Variants in SHC1 observed in about 807,000 individuals in gnomAD.
The protein encoded by SHC1 is SHC adaptor protein 1.
Under a neutral mutation model 55.9 loss-of-function variants are expected in SHC1, and 30 were observed. The observed-to-expected ratio is 0.54, with a 90% CI of 0.40 to 0.73. The LOEUF is 0.73. Ranked by LOEUF, SHC1 falls within the 30% of genes least tolerant of loss-of-function variation. The pLI, the probability that SHC1 is intolerant of heterozygous loss-of-function variation, is 0.00. For missense variants in SHC1, 675 were observed against 777.1 expected (o/e 0.87, Z 1.56); for synonymous variants, 309 against 306.1 (o/e 1.01, Z -0.10).
At chr1:154,972,065 T>C (rs538710334), upstream of SHC1, among the ~76,000 whole-genome samples, 100 of 152,144 alleles carry the variant, frequency 6.6e-4, 1 homozygote, top group African/African-American at 2.2e-3. Flanking sequence ...CTGGTCAACA[T>C]GGTGAAACCC....
chr1:154,970,970 G>A (rs1656687931), upstream of SHC1, among the ~76,000 whole-genome samples: 1 of 152,166 alleles, frequency 6.6e-6, no homozygotes, highest in Admixed American at 6.5e-5. The surrounding 1 kb of genome is among the most constrained non-coding windows in gnomAD (Gnocchi z 5.5). Context: ...GTAAAGTGGG[G>A]GTGGGAGGGA....
Position 154,966,159 on chromosome 1 carries a change from T to TA in SHC1, c.1252+2dup, listed in dbSNP as rs1204768715. 2 of 1,614,140 alleles carry TA rather than the reference T, an allele frequency of 1.2e-6. No individual in the cohort carries two copies. Among genetic ancestry groups the TA allele is most frequent in the Admixed American group, 3.3e-5 (2 of 60,022 alleles). On this transcript the variant is annotated splice_region_variant and intron_variant, in intron 9 of 11. Transcript: ENST00000448116. Reference sequence around the variant, plus strand: ...GCTCTGCCTATCTCGGCTCCCTTCATACCTGGACAGGGTGGTGGAGGTGGC... The same window carrying TA: ...GCTCTGCCTATCTCGGCTCCCTTCATAACCTGGACAGGGTGGTGGAGGTGGC...
chr1:154,968,118 A>G, intron 5 of SHC1, 86 bp downstream of exon 5: 1 of 1,582,042 alleles, frequency 6.3e-7, no homozygotes, highest in South Asian at 1.1e-5. Context: ...CCACAATCCT[A>G]GCACCCCCAC....
At position 154,970,417 on chromosome 1, in the gene SHC1, G is replaced by A; in HGVS notation, c.110C>T (p.Pro37Leu). ...GATGGGCCCCAGGGATGAAGCTGAT[G>A]GGGAAGGCAGCTCCTCCGGGGGGGT... The part of the protein sequence containing the change: ...GSTPPEELPS[P>L]SASSLGPILP... Residue 37 changes from proline to leucine, a missense_variant, in exon 1 of 12, where the codon CCA (proline) becomes CTA (leucine). This residue lies in a region of SHC1 where 156 missense variants were observed against 159.1 expected (regional missense o/e 0.98). Transcript: ENST00000448116. This position sits in a 1 kb window ranked among gnomAD's most constrained non-coding sequence, Gnocchi z 5.5. The A allele has an allele frequency of 9.3e-6, 15 of 1,606,146 alleles. No homozygotes were observed. Among genetic ancestry groups the A allele is most frequent in the Non-Finnish European group, 1.3e-5 (15 of 1,176,670 alleles).
chr1:154,968,957 T>G, intron 2 of SHC1, 123 bp from the exon 3 acceptor site: 1 of 831,958 alleles, frequency 1.2e-6, no homozygotes, highest in Non-Finnish European at 2.1e-6. Flanking sequence ...AGGCTCTTTG[T>G]CATGGTGGAT....
upstream of SHC1, chr1:154,970,794 A>G: frequency 2.8e-6 from 1 of 357,954 alleles, no homozygotes; most frequent in Non-Finnish European, 5.1e-6. The surrounding 1 kb of genome is among the most constrained non-coding windows in gnomAD (Gnocchi z 5.5). Context: ...GCTCCTCCCC[A>G]GGGGCGGGGA....
At chr1:154,969,646 G>A (rs888599127) in intron 1 of SHC1, among the ~76,000 whole-genome samples, 198 bp from the exon 2 acceptor site, 52 of 152,336 alleles carry the variant, frequency 3.4e-4, no homozygotes, top group African/African-American at 1.2e-3. Flanking sequence ...CAGGCTAGAA[G>A]GACCTCACAC....
intron 11 of SHC1, 63 bp downstream of exon 11, chr1:154,965,480 T>C (rs766885354): frequency 9.4e-6 from 15 of 1,587,864 alleles, no homozygotes; most frequent in Middle Eastern, 1.7e-4. Flanking sequence ...GGAAGAGGGA[T>C]ACACTGTAGG....
In SHC1 at chr1:154,966,417, C is replaced by T. The variant is rs147431390; in HGVS notation, c.1084G>A (p.Gly362Arg). The T allele has an allele frequency of 8.1e-6, 13 of 1,613,724 alleles. No homozygotes were observed. In the African/African-American group the frequency reaches 1.2e-4, roughly 15 times the overall value. ...TCCCGAAGCCTCATGTCTACCACCC[C>T]CCCCAAGGGGGGTTCCTTCCCCGGG... is the stretch of plus-strand genomic sequence containing the variant. The part of the protein sequence containing the change: ...DFPGKEPPLG[G>R]VVDMRLREGA... The change falls in exon 8 of 12, where the codon GGG becomes AGG. Residue 362 changes from glycine (G) to arginine (R), a missense_variant. By Grantham distance (125) the Gly-to-Arg change is moderately radical. Coordinates refer to ENST00000448116, the MANE Select transcript of SHC1 (RefSeq NM_001130040.2).
rs1656446207 is a variant in SHC1, at chr1:154,969,394, G to A, written c.550C>T (p.Arg184Trp). The change falls in exon 2 of 12, where the codon CGG (arginine) becomes TGG (tryptophan). Residue 184 changes from arginine to tryptophan, a missense_variant. Physicochemically the swap from Arg to Trp is moderately radical, Grantham distance 101 (BLOSUM62 -3). Transcript: ENST00000448116. Reference protein sequence around the residue: ...QSMRALDFNTRTQVTREAISL... With the variant: ...QSMRALDFNTWTQVTREAISL... ...CCCACTAACCTGGTGACCTGAGTCC[G>A]GGTGTTGAAGTCCAGGGCACGCATT... 3.1e-6 allele frequency: 5 copies of A among 1,610,620 alleles called. No individual in the cohort carries two copies. Among genetic ancestry groups the A allele is most frequent in the African/African-American group, 1.3e-5 (1 of 74,826 alleles).
chr1:154,968,766 A>G lies in SHC1; in HGVS notation c.630+5T>C. 1 of 1,613,618 alleles carries G rather than the reference A, an allele frequency of 6.2e-7. No homozygotes were observed. The highest frequency in any genetic ancestry group is 8.5e-7 in the Non-Finnish European group (1 of 1,179,670). On this transcript the variant is annotated splice_donor_5th_base_variant and intron_variant, in intron 3 of 11. Transcript: ENST00000448116. ...AGCATCCCTATCCCCAAGGACCCCA[A>G]GTACCTTTCTCCTCCTTGTCGCCCC...
Position 154,968,044 on chromosome 1 carries a change from G to C in SHC1, c.805-13C>G. ...ACTCGGCTGTGTCCTGGGGAGGAAG[G>C]TCAAAAAATTTTACAGTTCTACTTT... On this transcript the variant is annotated splice_polypyrimidine_tract_variant and intron_variant, in intron 5 of 11. Transcript: ENST00000448116. 1 of 1,614,080 alleles carries C rather than the reference G, an allele frequency of 6.2e-7. No homozygotes were observed. The highest frequency in any genetic ancestry group is 1.1e-5 in the South Asian group (1 of 91,070).
chr1:154,967,884 C>T (rs745678515), intron 6 of SHC1, 87 bp from the exon 7 acceptor site: 139 of 1,601,946 alleles, frequency 8.7e-5, no homozygotes, highest in Non-Finnish European at 1.2e-4. Flanking sequence ...GCAGGAACCC[C>T]CACTGAGATC....
intron 7 of SHC1, among the ~76,000 whole-genome samples, 161 bp from the exon 8 acceptor site, chr1:154,966,678 TA>T (rs1656030576): frequency 6.6e-6 from 1 of 152,186 alleles, no homozygotes; most frequent in Non-Finnish European, 1.5e-5. Flanking sequence ...GGCAACCCCG[TA>T]AGGTAGGTAT....
chr1:154,968,331 G>C, intron 4 of SHC1, 74 bp from the exon 5 acceptor site: 3 of 1,557,940 alleles, frequency 1.9e-6, no homozygotes. Context: ...CAGAACCCTG[G>C]TGCCCCAGTC....
Position 154,966,071 on chromosome 1 carries a change from T to G in SHC1, c.1262A>C (p.Glu421Ala). ...PPPPPCPAGR[E>A]LFDDPSYVNV... is the part of the protein sequence containing the mutation. Reference sequence around the variant, plus strand: ...GACATAGGAGGGATCATCAAAAAGCTCTCTGCCTGCTGAGGAAAGGGAGGC... The same window carrying G: ...GACATAGGAGGGATCATCAAAAAGCGCTCTGCCTGCTGAGGAAAGGGAGGC... Residue 421 changes from glutamate to alanine, a missense_variant, in exon 10 of 12, where the codon GAG becomes GCG. Transcript: ENST00000448116. 1 of 1,613,920 alleles carries G rather than the reference T, an allele frequency of 6.2e-7. No individual in the cohort carries two copies.
At position 154,963,862 on chromosome 1, in the gene SHC1, G is replaced by T; in HGVS notation, c.1696C>A (p.Pro566Thr). The change falls in exon 12 of 12, where the codon CCC (proline) becomes ACC (threonine). Residue 566 changes from proline (P) to threonine (T), a missense_variant. By Grantham distance (38) the Pro-to-Thr change is conservative. This residue lies in a region of SHC1 where 360 missense variants were observed against 371.1 expected (regional missense o/e 0.97). Transcript: ENST00000448116. ...LISYHMDNHL[P>T]IISAGSELCL... ...AGTTCGCTGCCCGCAGAGATGATGG[G>T]CAAGTGATTGTCCATGTGGTAGCTG... 6.2e-7 allele frequency: 1 copy of T among 1,613,702 alleles called. No individual in the cohort carries two copies. The highest frequency in any genetic ancestry group is 8.5e-7 in the Non-Finnish European group (1 of 1,179,552).
At chr1:154,967,421 G>A (rs752244740) in intron 7 of SHC1, among the ~76,000 whole-genome samples, 1 of 152,174 alleles carries the variant, frequency 6.6e-6, no homozygotes, top group South Asian at 2.1e-4. Context: ...CCTAGCCAGA[G>A]AGAGATGTAA....
chr1:154,968,428 C>T, intron 4 of SHC1, 67 bp downstream of exon 4: 2 of 1,608,222 alleles, frequency 1.2e-6, no homozygotes, highest in South Asian at 2.2e-5. Context: ...AGATTTTGGC[C>T]TCCTAACTAG....
Sources: allele counts gnomAD v4.1 joint callset (sites outside exome capture counted in the v4.1 genomes callset), GRCh38; gene constraint gnomAD v4.1.1; regional missense constraint gnomAD v4.1.1; non-coding constraint Gnocchi (gnomAD v3.1); transcripts MANE v1.5; gene names NCBI Gene and HGNC (gene_info 2026-07-23, HGNC 2026-07-21).